PCM1: variants seen among roughly 807,000 people sequenced by gnomAD.
PCM1 encodes pericentriolar material 1 protein.
A neutral mutation model predicts 241.9 loss-of-function variants in PCM1; 157 were observed. The observed-to-expected ratio is 0.65, with a 90% CI of 0.57 to 0.74. The LOEUF (loss-of-function observed/expected upper bound fraction) is 0.74, where lower values mean the gene tolerates loss of function less well. Ranked by LOEUF, PCM1 falls within the 30% of genes least tolerant of loss-of-function variation. The pLI, the probability that PCM1 is intolerant of heterozygous loss-of-function variation, is 0.00. For missense variants in PCM1, 3,478 were observed against 2,360.1 expected (o/e 1.47, Z -9.81); for synonymous variants, 1,085 against 784.9 (o/e 1.38, Z -6.39).
At position 17,962,175 on chromosome 8, in the gene PCM1, G is replaced by A. The variant is rs1352341617; in HGVS notation, c.2463+1G>A. ...AGATTCTTCAATAGTAGATAATGAG[G>A]TATTGTAAATTGTACTCTCTTGTTC... On this transcript the variant is annotated splice_donor_variant, in intron 16 of 38. Coordinates refer to ENST00000325083, the MANE Select transcript of PCM1 (RefSeq NM_006197.4). LOFTEE classifies it high-confidence loss of function. 5 of 1,599,088 alleles carry A rather than the reference G, an allele frequency of 3.1e-6. No individual in the cohort carries two copies. The African/African-American group carries it at 4.0e-5, about 13-fold the overall frequency.
At chr8:17,967,404 G>A (rs1404381298) in intron 21 of PCM1, among the ~76,000 whole-genome samples, 1 of 151,922 alleles carries the variant, frequency 6.6e-6, no homozygotes, top group East Asian at 1.9e-4. Context: ...CACCTCCCAG[G>A]TTCAAGGGAT....
intron 28 of PCM1, among the ~76,000 whole-genome samples, chr8:17,992,333 G>A (rs2084975278): frequency 6.6e-6 from 1 of 152,144 alleles, no homozygotes; most frequent in African/African-American, 2.4e-5. Context: ...GTTTTCCATA[G>A]TGGTTGTACT....
intron 22 of PCM1, among the ~76,000 whole-genome samples, chr8:17,970,885 G>A (rs938820143): frequency 2.6e-5 from 4 of 152,038 alleles, no homozygotes; most frequent in African/African-American, 9.7e-5. Flanking sequence ...GTAATTTCAT[G>A]GAATTAAATG....
At chr8:17,931,969 A>G (rs1292415697) in intron 2 of PCM1, among the ~76,000 whole-genome samples, 1 of 152,156 alleles carries the variant, frequency 6.6e-6, no homozygotes, top group Non-Finnish European at 1.5e-5. Flanking sequence ...CCTGTAACCA[A>G]TAATTGCTTT....
intron 17 of PCM1, 27 bp from the exon 18 acceptor site, chr8:17,964,541 A>T: frequency 6.4e-7 from 1 of 1,570,382 alleles, no homozygotes; most frequent in Non-Finnish European, 8.7e-7. Context: ...CCAGAATGAC[A>T]TCTGTTTTAT....
intron 20 of PCM1, 128 bp downstream of exon 20, chr8:17,966,601 T>C (rs2074981783): frequency 1.4e-6 from 1 of 722,292 alleles, no homozygotes; most frequent in Non-Finnish European, 2.2e-6. Flanking sequence ...CCCTTGAGAA[T>C]TTTATAAGTG....
At chr8:17,997,026 ATTAATGTC>A (rs2087079168) in intron 29 of PCM1, among the ~76,000 whole-genome samples, 1 of 152,172 alleles carries the variant, frequency 6.6e-6, no homozygotes, top group Non-Finnish European at 1.5e-5. Context: ...CTTACTGCTC[ATTAATGTC>A]TTCTTTTAGA....
Position 17,955,629 on chromosome 8 carries a change from A to G in PCM1, c.1448A>G (p.His483Arg), listed in dbSNP as rs199782727. Residue 483 changes from histidine (H) to arginine (R), a missense_variant, in exon 10 of 39, where the codon CAC (histidine) becomes CGC (arginine). His to Arg is a conservative substitution (Grantham distance 29). Transcript: ENST00000325083. ...VSQNESENEG[H>R]LNPSEKLQKL... ...CAGAATGAGAGTGAAAACGAAGGCC[A>G]CCTCAATCCATCTGAAAAACTCCAG... 6.2e-7 allele frequency: 1 copy of G among 1,613,252 alleles called. No individual in the cohort carries two copies. Among genetic ancestry groups the G allele is most frequent in the Admixed American group, 1.7e-5 (1 of 60,018 alleles).
At chr8:17,935,186 A>C (rs2060077537) in intron 2 of PCM1, among the ~76,000 whole-genome samples, 1 of 152,202 alleles carries the variant, frequency 6.6e-6, no homozygotes. Context: ...CTGTGTTTTC[A>C]GGGTATCATC....
At chr8:17,968,490 G>C (rs183515293) in intron 21 of PCM1, among the ~76,000 whole-genome samples, 154 of 152,190 alleles carry the variant, frequency 1.0e-3, no homozygotes, top group African/African-American at 3.7e-3. Flanking sequence ...TAGGGATCAA[G>C]AAAAAGGAGT....
intron 6 of PCM1, among the ~76,000 whole-genome samples, chr8:17,940,648 A>G (rs1443814540): frequency 6.6e-6 from 1 of 152,172 alleles, no homozygotes; most frequent in Non-Finnish European, 1.5e-5. Flanking sequence ...AATCGAGAGA[A>G]AGACTAGTAA....
intron 23 of PCM1, among the ~76,000 whole-genome samples, chr8:17,975,859 C>A (rs2078592216): frequency 6.6e-6 from 1 of 151,968 alleles, no homozygotes; most frequent in Non-Finnish European, 1.5e-5. Context: ...ATGTAATAAT[C>A]GTATTTTAAA....
intron 6 of PCM1, among the ~76,000 whole-genome samples, chr8:17,946,835 G>GTGTC (rs1415629151): frequency 1.1e-5 from 1 of 89,076 alleles, no homozygotes; most frequent in African/African-American, 4.9e-5. Flanking sequence ...ATTCTTCAGT[G>GTGTC]TGTGTGTGTG....
chr8:17,951,359 A>C (rs748126769), intron 8 of PCM1, among the ~76,000 whole-genome samples: 2 of 152,210 alleles, frequency 1.3e-5, no homozygotes, highest in African/African-American at 2.4e-5. Context: ...ATATGGCCCA[A>C]CCACTTTGGA....
chr8:17,986,516 GA>G (rs1372198742), intron 26 of PCM1, among the ~76,000 whole-genome samples: 1 of 149,710 alleles, frequency 6.7e-6, no homozygotes. Context: ...AGTCTTCCAG[GA>G]AAAAAATTGT....
At chr8:17,957,916 T>C in intron 13 of PCM1, 141 bp downstream of exon 13, 1 of 621,220 alleles carries the variant, frequency 1.6e-6, no homozygotes, top group Non-Finnish European at 2.8e-6. Context: ...TTTAGCACTT[T>C]ACATGCTGTA....
intron 38 of PCM1, among the ~76,000 whole-genome samples, chr8:18,027,366 A>C (rs1428831199): frequency 2.0e-5 from 3 of 152,180 alleles, no homozygotes; most frequent in Non-Finnish European, 4.4e-5. Context: ...TTGTTGGTGT[A>C]GATTTATTCT....
chr8:17,959,311 A>G (rs2070453650), intron 13 of PCM1, among the ~76,000 whole-genome samples: 1 of 120,558 alleles, frequency 8.3e-6, no homozygotes, highest in Non-Finnish European at 1.7e-5. Flanking sequence ...TAAAATATAA[A>G]TAATACTGCA....
chr8:18,006,677 T>G (rs1324234860), intron 30 of PCM1, among the ~76,000 whole-genome samples: 3 of 152,172 alleles, frequency 2.0e-5, no homozygotes, highest in South Asian at 4.1e-4. Context: ...CTGAAAACAT[T>G]TTGAGTTTGA....
Sources: allele counts gnomAD v4.1 joint callset (sites outside exome capture counted in the v4.1 genomes callset), GRCh38; gene constraint gnomAD v4.1.1; transcripts MANE v1.5; gene names NCBI Gene and HGNC (gene_info 2026-07-23, HGNC 2026-07-21).